ADCY5: variants seen among roughly 807,000 people sequenced by gnomAD.
The protein encoded by ADCY5 is adenylate cyclase 5, also known as adenylate cyclase type 5.
Under a neutral mutation model 119.7 loss-of-function variants are expected in ADCY5, and 30 were observed. The ratio of observed to expected loss-of-function variants is 0.25; its 90% CI spans 0.19 to 0.34. The LOEUF (loss-of-function observed/expected upper bound fraction) is 0.34. Among genes scored for constraint, ADCY5 ranks in the 10% least tolerant of loss-of-function variants. ADCY5 has a pLI of 1.00. For missense variants in ADCY5, 1,324 were observed against 1,775.2 expected (o/e 0.75, Z 4.57); for synonymous variants, 753 against 762.2 (o/e 0.99, Z 0.20).
intron 19 of ADCY5, among the ~76,000 whole-genome samples, chr3:123,289,188 G>A (rs144303150): frequency 2.6e-5 from 4 of 152,286 alleles, no homozygotes; most frequent in African/African-American, 9.6e-5. Flanking sequence ...TTACATGTTT[G>A]ATGTTGTTCT....
intron 1 of ADCY5, among the ~76,000 whole-genome samples, chr3:123,376,465 G>A (rs6798189): frequency 0.2 from 29,772 of 151,978 alleles, 3,282 homozygotes; most frequent in Admixed American, 0.27. Flanking sequence ...TGAGGCCCAG[G>A]GTGGTCTCCA....
At chr3:123,396,731 A>G (rs142576321) in intron 1 of ADCY5, among the ~76,000 whole-genome samples, 293 of 7,732 alleles carry the variant, frequency 0.038, 4 homozygotes, top group African/African-American at 0.068. Flanking sequence ...GGGAGGGAGG[A>G]AGGAAGGAAG....
chr3:123,333,697 G>GT (rs1559815180), intron 3 of ADCY5, among the ~76,000 whole-genome samples: 2 of 152,214 alleles, frequency 1.3e-5, no homozygotes, highest in Admixed American at 1.3e-4. Flanking sequence ...AGGCCTGCCC[G>GT]TTTGACCTCT....
chr3:123,418,520 G>A (rs1385768525), intron 1 of ADCY5, among the ~76,000 whole-genome samples: 1 of 152,200 alleles, frequency 6.6e-6, no homozygotes, highest in African/African-American at 2.4e-5. Context: ...GATCAAAGGG[G>A]AAGCAGATAC....
intron 19 of ADCY5, among the ~76,000 whole-genome samples, chr3:123,288,115 A>G (rs893546146): frequency 6.6e-6 from 1 of 152,250 alleles, no homozygotes; most frequent in Non-Finnish European, 1.5e-5. Flanking sequence ...CAGCCAGTGC[A>G]GGATGCAAAC....
chr3:123,418,379 C>T (rs1471236624), intron 1 of ADCY5, among the ~76,000 whole-genome samples: 1 of 152,154 alleles, frequency 6.6e-6, no homozygotes, highest in Non-Finnish European at 1.5e-5. Context: ...ATACCTGAGA[C>T]TGGGTAATTT....
At chr3:123,326,938 G>A (rs768170075) in intron 7 of ADCY5, among the ~76,000 whole-genome samples, 3 of 152,194 alleles carry the variant, frequency 2.0e-5, no homozygotes, top group Non-Finnish European at 2.9e-5. Context: ...AGAGAAATGG[G>A]GAAGCTTTTC....
intron 1 of ADCY5, among the ~76,000 whole-genome samples, chr3:123,418,360 T>C (rs1945228988): frequency 6.6e-6 from 1 of 152,220 alleles, no homozygotes; most frequent in South Asian, 2.1e-4. Flanking sequence ...TTTGTGTTGC[T>C]ATAACAGAAT....
chr3:123,320,664 A>C, intron 9 of ADCY5, 85 bp downstream of exon 9: 1 of 1,531,530 alleles, frequency 6.5e-7, no homozygotes, highest in Non-Finnish European at 9.0e-7. Context: ...TTTTCCATGG[A>C]GTGTGGAGAA....
At chr3:123,358,478 T>C (rs186889278) in intron 1 of ADCY5, among the ~76,000 whole-genome samples, 91 of 152,228 alleles carry the variant, frequency 6.0e-4, no homozygotes, top group Middle Eastern at 3.4e-3. Flanking sequence ...ATTCACCAGG[T>C]AGTCCCAGCT....
At chr3:123,384,401 G>C (rs1944145496) in intron 1 of ADCY5, among the ~76,000 whole-genome samples, 1 of 152,172 alleles carries the variant, frequency 6.6e-6, no homozygotes. Context: ...AGTCGCCCTG[G>C]GTCAGGGCGA....
intron 1 of ADCY5, among the ~76,000 whole-genome samples, chr3:123,424,704 G>A (rs1436902690): frequency 6.6e-6 from 1 of 152,160 alleles, no homozygotes; most frequent in Non-Finnish European, 1.5e-5. Flanking sequence ...CCCATGTTCA[G>A]CCTGGCCAGT....
intron 1 of ADCY5, among the ~76,000 whole-genome samples, chr3:123,395,266 C>T (rs963355031): frequency 6.6e-5 from 10 of 152,182 alleles, no homozygotes; most frequent in African/African-American, 1.9e-4. Flanking sequence ...TCCACAATGG[C>T]TTATCTCCCA....
intron 1 of ADCY5, among the ~76,000 whole-genome samples, chr3:123,404,851 G>A (rs1944861198): frequency 6.6e-6 from 1 of 152,214 alleles, no homozygotes. Flanking sequence ...CTGGGCAGGA[G>A]ACCTCTCTGC....
chr3:123,372,219 T>C (rs1943667365), intron 1 of ADCY5, among the ~76,000 whole-genome samples: 1 of 152,090 alleles, frequency 6.6e-6, no homozygotes, highest in African/African-American at 2.4e-5. Context: ...CTCGTAATCC[T>C]AGCTGCCAAA....
chr3:123,426,310 G>GT (rs1176718980), intron 1 of ADCY5, among the ~76,000 whole-genome samples: 1,689 of 46,810 alleles, frequency 0.036, 39 homozygotes, highest in African/African-American at 0.056. Context: ...TTTTTTTTTT[G>GT]TTTGTTTTTG....
intron 1 of ADCY5, among the ~76,000 whole-genome samples, chr3:123,400,457 C>G (rs1031480060): frequency 7.9e-5 from 12 of 152,268 alleles, no homozygotes; most frequent in Admixed American, 7.9e-4. Context: ...AAGGAAAAAG[C>G]CTTATGTGCA....
chr3:123,334,468 G>A (rs1301165784), intron 3 of ADCY5, among the ~76,000 whole-genome samples: 2 of 152,058 alleles, frequency 1.3e-5, no homozygotes, highest in East Asian at 3.9e-4. Flanking sequence ...ATCAAATATT[G>A]GGCTCACACC....
chr3:123,394,062 G>A (rs963073914), intron 1 of ADCY5, among the ~76,000 whole-genome samples: 10 of 152,044 alleles, frequency 6.6e-5, no homozygotes, highest in African/African-American at 2.2e-4. Context: ...CCCATAAGGT[G>A]GAGGTTGCAG....
Sources: allele counts gnomAD v4.1 joint callset (sites outside exome capture counted in the v4.1 genomes callset), GRCh38; gene constraint gnomAD v4.1.1; transcripts MANE v1.5; gene names NCBI Gene and HGNC (gene_info 2026-07-23, HGNC 2026-07-21).